Variants in C10orf67 observed in about 807,000 individuals in gnomAD.
C10orf67 encodes uncharacterized protein C10orf67, mitochondrial.
Under a neutral mutation model 35.6 loss-of-function variants are expected in C10orf67, and 60 were observed. That is an observed-to-expected ratio of 1.68 (90% confidence interval 1.37 to 2.09). The LOEUF is 2.09. Among genes scored for constraint, C10orf67 ranks in the 30% most tolerant of loss-of-function variants. The pLI is 0.00. For synonymous variants in C10orf67, 167 were observed against 115.8 expected, an observed-to-expected ratio of 1.44 and a Z score of -2.84; for missense variants, 474 against 330.2, an observed-to-expected ratio of 1.44 and a Z score of -3.38.
intron 15 of C10orf67, among the ~76,000 whole-genome samples, chr10:23,207,362 G>A (rs1314964175): frequency 6.6e-6 from 1 of 152,152 alleles, no homozygotes; most frequent in Non-Finnish European, 1.5e-5. Context: ...AGGGAAGGTT[G>A]CTAATTTTTT....
intron 8 of C10orf67, among the ~76,000 whole-genome samples, chr10:23,274,321 CT>C (rs1309137042): frequency 1.3e-5 from 2 of 152,122 alleles, no homozygotes; most frequent in Non-Finnish European, 1.5e-5. Flanking sequence ...ATTTACCAGG[CT>C]GGAATTTCCC....
intron 7 of C10orf67, among the ~76,000 whole-genome samples, chr10:23,283,246 G>A (rs1766602145): frequency 6.6e-6 from 1 of 152,116 alleles, no homozygotes; most frequent in African/African-American, 2.4e-5. Flanking sequence ...CCCATTCACT[G>A]CAGGGCCCTT....
intron 15 of C10orf67, among the ~76,000 whole-genome samples, chr10:23,218,535 G>T (rs895257914): frequency 1.3e-5 from 2 of 152,020 alleles, no homozygotes; most frequent in Non-Finnish European, 2.9e-5. Flanking sequence ...TAAAAAGCAA[G>T]GGAAATTCCT....
At chr10:23,305,411 G>C (rs1366735987) in intron 4 of C10orf67, among the ~76,000 whole-genome samples, 1 of 152,206 alleles carries the variant, frequency 6.6e-6, no homozygotes, top group African/African-American at 2.4e-5. Context: ...GCTGAAGCAG[G>C]TGGATCACTC....
chr10:23,307,327 A>G (rs1442531635), intron 4 of C10orf67, among the ~76,000 whole-genome samples: 2 of 152,184 alleles, frequency 1.3e-5, no homozygotes, highest in African/African-American at 4.8e-5. Flanking sequence ...TACAACATAC[A>G]GGAAATATAG....
At chr10:23,222,521 G>A (rs1841611742) in intron 15 of C10orf67, among the ~76,000 whole-genome samples, 1 of 152,026 alleles carries the variant, frequency 6.6e-6, no homozygotes, top group South Asian at 2.1e-4. Context: ...GAGAGAGGAA[G>A]GTAAGGGTTG....
rs1419302859 is a variant in C10orf67, at chr10:23,322,433, C to A, written c.432G>T (p.Leu144=). 1 of 1,609,538 alleles carries A rather than the reference C, an allele frequency of 6.2e-7. No homozygotes were observed. Among genetic ancestry groups the A allele is most frequent in the Non-Finnish European group, 8.5e-7 (1 of 1,176,066 alleles). ...TTTCAATTTCTAGGATCCTGTCATG[C>A]AGAATGGTGAAGAGACTCAAAGATT... ...KEESLSLFTI[L]HDRILEIEKH... Residue 144 remains leucine, a synonymous_variant, in exon 3 of 16, where the codon CTG becomes CTT. Transcript: ENST00000636213.
Position 23,322,580 on chromosome 10 carries a change from C to T in C10orf67, c.328-43G>A, listed in dbSNP as rs760609675. ...TATCCTTAGCGAAGTAACACAGGAA[C>T]AGAAAACCAAATACTGCATGTTGTC... On this transcript the variant is annotated intron_variant, in intron 2 of 15. Coordinates refer to ENST00000636213, the MANE Select transcript of C10orf67 (RefSeq NM_001371909.1). The T allele has an allele frequency of 1.3e-5, 18 of 1,361,738 alleles. No homozygotes were observed. In the Admixed American group the frequency reaches 3.2e-4, roughly 24 times the overall value. The allele number at this position is 1,361,738 out of a possible 1,614,324, so 84.4% of individuals were successfully genotyped here.
chr10:23,287,916 G>A (rs1232732107), intron 7 of C10orf67, among the ~76,000 whole-genome samples: 4 of 152,170 alleles, frequency 2.6e-5, no homozygotes, highest in Non-Finnish European at 5.9e-5. Context: ...AAACCACAAT[G>A]AGATACCATG....
intron 8 of C10orf67, among the ~76,000 whole-genome samples, chr10:23,268,248 T>C (rs1220422891): frequency 2.0e-5 from 3 of 152,198 alleles, no homozygotes; most frequent in African/African-American, 4.8e-5. Context: ...TGAGCTGTGA[T>C]TGTGCCACTG....
At chr10:23,220,469 T>C (rs1245176511) in intron 15 of C10orf67, among the ~76,000 whole-genome samples, 3 of 152,196 alleles carry the variant, frequency 2.0e-5, no homozygotes, top group African/African-American at 7.2e-5. Context: ...TTGAAAGCTC[T>C]GTCAGCCTCC....
chr10:23,204,686 C>T (rs972338896), intron 15 of C10orf67, among the ~76,000 whole-genome samples: 4 of 152,236 alleles, frequency 2.6e-5, no homozygotes, highest in South Asian at 4.1e-4. Flanking sequence ...TGGAAATAGA[C>T]GGGGCCTGTG....
chr10:23,293,377 A>G (rs191217027), intron 5 of C10orf67, among the ~76,000 whole-genome samples: 9 of 152,214 alleles, frequency 5.9e-5, no homozygotes, highest in African/African-American at 2.2e-4. Flanking sequence ...AGACGCCCAC[A>G]GCAATGAGGA....
In C10orf67 at chr10:23,316,435, G is replaced by C. The variant is rs1342751582; in HGVS notation, c.546+4306C>G. Among the ~76,000 whole-genome samples the C allele has an allele frequency of 2.0e-5, 3 of 152,250 alleles. No individual in the cohort carries two copies. The East Asian group carries it at 5.8e-4, about 29-fold the overall frequency. ...GGTCTGGGCGCCCCCAAGGGCTGCA[G>C]CTCTTCTCTCCGTCTTGTTGCCTGC... On this transcript the variant is annotated intron_variant, in intron 4 of 15. Coordinates refer to ENST00000636213, the MANE Select transcript of C10orf67 (RefSeq NM_001371909.1).
chr10:23,233,405 A>G (rs958246477), intron 13 of C10orf67, among the ~76,000 whole-genome samples: 2 of 152,222 alleles, frequency 1.3e-5, no homozygotes, highest in African/African-American at 2.4e-5. Context: ...TGGGTAGAAT[A>G]CTTCCTCCAG....
intron 12 of C10orf67, among the ~76,000 whole-genome samples, chr10:23,242,130 C>A: frequency 6.6e-6 from 1 of 152,056 alleles, no homozygotes; most frequent in South Asian, 2.1e-4. Context: ...TGCCACCACG[C>A]CCAGCTTATT....
At chr10:23,255,544 A>T (rs1388970586) in intron 10 of C10orf67, among the ~76,000 whole-genome samples, 1 of 152,092 alleles carries the variant, frequency 6.6e-6, no homozygotes, top group Non-Finnish European at 1.5e-5. Flanking sequence ...AACATCCTAG[A>T]CCTTGTGTTC....
At chr10:23,261,897 G>T (rs1842759945) in intron 10 of C10orf67, among the ~76,000 whole-genome samples, 1 of 152,062 alleles carries the variant, frequency 6.6e-6, no homozygotes, top group Admixed American at 6.5e-5. Context: ...AATGAAAAAA[G>T]GTTTAATAAC....
At chr10:23,241,437 T>C (rs1842172984) in intron 12 of C10orf67, among the ~76,000 whole-genome samples, 1 of 152,142 alleles carries the variant, frequency 6.6e-6, no homozygotes, top group South Asian at 2.1e-4. Flanking sequence ...TGGGGGATAT[T>C]GGGATGTGGT....
Sources: gnomAD v4.1 joint callset for allele counts (sites outside exome capture counted in the v4.1 genomes callset) on GRCh38, gnomAD v4.1.1 for gene constraint, MANE v1.5 for transcripts, NCBI Gene and HGNC (gene_info 2026-07-23, HGNC 2026-07-21) for gene names.